GRID1: variants seen among roughly 807,000 people sequenced by gnomAD.
GRID1 encodes glutamate receptor ionotropic, delta-1.
Under a neutral mutation model 98.0 loss-of-function variants are expected in GRID1, and 28 were observed. That is an observed-to-expected ratio of 0.29 (90% CI 0.21 to 0.39). GRID1 has a LOEUF of 0.39. GRID1 is among the 10% of genes least tolerant of loss of function. The probability of loss-of-function intolerance (pLI) is 1.00; values close to 1 mark genes in which losing one functional copy is unlikely to be tolerated. For missense variants in GRID1, 1,111 were observed against 1,340.5 expected (o/e 0.83, Z 2.67); for synonymous variants, 553 against 538.5 (o/e 1.03, Z -0.37).
chr10:85,731,706 G>A (rs1163887352), intron 8 of GRID1, among the ~76,000 whole-genome samples: 1 of 151,446 alleles, frequency 6.6e-6, no homozygotes, highest in Non-Finnish European at 1.5e-5. Flanking sequence ...GGAGGCTGAG[G>A]TAGGAGGATC....
intron 8 of GRID1, among the ~76,000 whole-genome samples, chr10:85,742,410 C>G (rs563685664): frequency 6.6e-6 from 1 of 152,074 alleles, no homozygotes; most frequent in Non-Finnish European, 1.5e-5. Context: ...GGCCATAGTT[C>G]GTTAATTCCT....
At chr10:85,992,951 C>A (rs2131869313) in intron 4 of GRID1, among the ~76,000 whole-genome samples, 1 of 152,076 alleles carries the variant, frequency 6.6e-6, no homozygotes, top group Non-Finnish European at 1.5e-5. Context: ...GGGACCCTGT[C>A]TCTAAAAAAT....
At chr10:85,879,607 G>A in intron 5 of GRID1, among the ~76,000 whole-genome samples, 1 of 152,018 alleles carries the variant, frequency 6.6e-6, no homozygotes, top group East Asian at 1.9e-4. Flanking sequence ...GAATCTCTGG[G>A]ACACATTCAA....
intron 2 of GRID1, among the ~76,000 whole-genome samples, chr10:86,284,997 G>A (rs549713119): frequency 3.0e-5 from 3 of 99,368 alleles, no homozygotes; most frequent in African/African-American, 7.8e-5. Flanking sequence ...TGGAAGGTAC[G>A]AGACCATGCC....
At chr10:85,654,827 G>C (rs539240375) in intron 12 of GRID1, among the ~76,000 whole-genome samples, 99 of 152,294 alleles carry the variant, frequency 6.5e-4, no homozygotes, top group East Asian at 1.3e-3. Context: ...TTCAACCCAG[G>C]CCTGGTGCCC....
At chr10:85,925,104 G>A (rs1372077858) in intron 4 of GRID1, among the ~76,000 whole-genome samples, 1 of 152,234 alleles carries the variant, frequency 6.6e-6, no homozygotes, top group Non-Finnish European at 1.5e-5. Flanking sequence ...ACTTGGAGAA[G>A]TGAAGCCAGG....
At chr10:85,807,022 TAA>T (rs972833132) in intron 8 of GRID1, among the ~76,000 whole-genome samples, 1 of 149,550 alleles carries the variant, frequency 6.7e-6, no homozygotes, top group South Asian at 2.1e-4. Context: ...CTTTTAAAAG[TAA>T]AAAAAAAATC....
At chr10:85,932,251 C>T (rs1841865781) in intron 4 of GRID1, among the ~76,000 whole-genome samples, 1 of 152,206 alleles carries the variant, frequency 6.6e-6, no homozygotes. Flanking sequence ...CTCCCTCTAT[C>T]ACCCAGGCTG....
At chr10:85,864,305 C>A (rs1590271265) in intron 6 of GRID1, among the ~76,000 whole-genome samples, 1 of 152,332 alleles carries the variant, frequency 6.6e-6, no homozygotes, top group Non-Finnish European at 1.5e-5. Flanking sequence ...CACAGCCAAG[C>A]CTCAGGAGGA....
At chr10:86,002,990 G>A (rs1315408536) in intron 4 of GRID1, among the ~76,000 whole-genome samples, 1 of 152,150 alleles carries the variant, frequency 6.6e-6, no homozygotes, top group Non-Finnish European at 1.5e-5. Flanking sequence ...GCAGAGCAAG[G>A]GATGACTGTC....
intron 8 of GRID1, among the ~76,000 whole-genome samples, chr10:85,769,097 G>A (rs1328751606): frequency 6.6e-6 from 1 of 152,120 alleles, no homozygotes; most frequent in Admixed American, 6.5e-5. Context: ...GTAAAAAAAA[G>A]AATCAAGAAG....
At chr10:86,031,278 G>A (rs1843181997) in intron 4 of GRID1, among the ~76,000 whole-genome samples, 2 of 152,120 alleles carry the variant, frequency 1.3e-5, no homozygotes, top group African/African-American at 4.8e-5. Flanking sequence ...TGCAGCTGGA[G>A]GCCATTATTC....
intron 5 of GRID1, among the ~76,000 whole-genome samples, chr10:85,891,049 C>T (rs1348815705): frequency 2.6e-5 from 4 of 152,084 alleles, no homozygotes; most frequent in African/African-American, 4.8e-5. Context: ...ATTTGCTTGC[C>T]TGTTGCAAAC....
chr10:85,617,553 A>G (rs894448985), intron 14 of GRID1, among the ~76,000 whole-genome samples: 1 of 152,134 alleles, frequency 6.6e-6, no homozygotes, highest in Non-Finnish European at 1.5e-5. Flanking sequence ...CACTGGCATC[A>G]GTAAGTTGGC....
intron 2 of GRID1, among the ~76,000 whole-genome samples, chr10:86,261,021 G>C (rs1003646861): frequency 6.6e-6 from 1 of 152,248 alleles, no homozygotes; most frequent in Admixed American, 6.5e-5. Context: ...CTGGGTGTGG[G>C]CTGCAAAGCC....
chr10:86,260,831 T>A (rs1847005431), intron 2 of GRID1, among the ~76,000 whole-genome samples: 1 of 152,174 alleles, frequency 6.6e-6, no homozygotes, highest in East Asian at 1.9e-4. Context: ...GCCAAGCCAC[T>A]CGGCTCCAGA....
chr10:86,216,314 G>A (rs1846176347), intron 2 of GRID1, among the ~76,000 whole-genome samples: 1 of 152,208 alleles, frequency 6.6e-6, no homozygotes, highest in Non-Finnish European at 1.5e-5. Flanking sequence ...CAGAAGATAT[G>A]GAACAATTGA....
At chr10:85,921,383 G>A (rs189848042) in intron 4 of GRID1, among the ~76,000 whole-genome samples, 7 of 152,304 alleles carry the variant, frequency 4.6e-5, no homozygotes, top group East Asian at 1.9e-4. Context: ...CTCCCTGCTC[G>A]AGAGCAACAG....
At chr10:86,307,773 T>A (rs918476054) in intron 2 of GRID1, among the ~76,000 whole-genome samples, 1 of 152,220 alleles carries the variant, frequency 6.6e-6, no homozygotes, top group Admixed American at 6.5e-5. Context: ...ACAATGCATA[T>A]CAAAACACCA....
Sources: allele counts gnomAD v4.1 joint callset (sites outside exome capture counted in the v4.1 genomes callset), GRCh38; gene constraint gnomAD v4.1.1; transcripts MANE v1.5; gene names NCBI Gene and HGNC (gene_info 2026-07-23, HGNC 2026-07-21).